Variants in SOX5 observed in about 807,000 individuals in gnomAD.
SOX5 encodes transcription factor SOX-5.
A neutral mutation model predicts 92.0 loss-of-function variants in SOX5; 9 were observed. That is an observed-to-expected ratio of 0.10 (90% CI 0.06 to 0.17). The LOEUF (loss-of-function observed/expected upper bound fraction) is 0.17. Ranked by LOEUF, SOX5 falls within the 10% of genes least tolerant of loss-of-function variation. The pLI, the probability that SOX5 is intolerant of heterozygous loss-of-function variation, is 1.00. For missense variants in SOX5, 642 were observed against 944.5 expected, an observed-to-expected ratio of 0.68 and a Z score of 4.20; for synonymous variants, 344 against 336.3, an observed-to-expected ratio of 1.02 and a Z score of -0.25.
At position 24,487,198 on chromosome 12, in the gene SOX5, C is replaced by G. The variant is rs139920859; in HGVS notation, c.-251+75131G>C. Reference sequence around the variant, plus strand: ...TTTGATCAAAGAAGTTAATATAAAGCTTTTCACTGAACATCCTAGCTCCCT... The same window carrying G: ...TTTGATCAAAGAAGTTAATATAAAGGTTTTCACTGAACATCCTAGCTCCCT... On this transcript the variant is annotated intron_variant, in intron 1 of 4. Coordinates refer to the SOX5 transcript ENST00000446891. 7.2e-5 allele frequency among the ~76,000 whole-genome samples: 11 copies of G among 152,190 alleles called. No individual in the cohort carries two copies. In the East Asian group the frequency reaches 2.1e-3, roughly 29 times the overall value.
chr12:24,497,167 G>A (rs1947725247), intron 1 of SOX5, among the ~76,000 whole-genome samples: 1 of 152,198 alleles, frequency 6.6e-6, no homozygotes, highest in Non-Finnish European at 1.5e-5. Context: ...AATCAATCAT[G>A]AAGGAAAATT....
At chr12:23,750,764 T>C (rs1357719070) in intron 4 of SOX5, among the ~76,000 whole-genome samples, 2 of 151,860 alleles carry the variant, frequency 1.3e-5, no homozygotes, top group African/African-American at 2.4e-5. Flanking sequence ...AAAACACACA[T>C]TATTAAGTAC....
chr12:23,826,007 A>C (rs10842229), intron 3 of SOX5, among the ~76,000 whole-genome samples: 2 of 152,068 alleles, frequency 1.3e-5, no homozygotes, highest in African/African-American at 2.4e-5. Flanking sequence ...ACTTATCTTG[A>C]GTTACACTGT....
chr12:23,548,944 C>T (rs933386205), intron 11 of SOX5, among the ~76,000 whole-genome samples: 2 of 151,906 alleles, frequency 1.3e-5, no homozygotes, highest in Admixed American at 6.6e-5. Context: ...AGCAGAAGTG[C>T]TGACACACTA....
At chr12:24,151,090 C>T (rs7139008) in intron 4 of SOX5, among the ~76,000 whole-genome samples, 105,837 of 151,790 alleles carry the variant, frequency 0.7, 37,147 homozygotes, top group East Asian at 0.99. Context: ...AGAAAAAATA[C>T]TGTGTAACTT....
intron 1 of SOX5, among the ~76,000 whole-genome samples, chr12:24,493,242 A>C (rs1947273179): frequency 6.6e-6 from 1 of 152,216 alleles, no homozygotes; most frequent in South Asian, 2.1e-4. Context: ...CGCTGGTTAA[A>C]AATCAGTGTC....
At position 23,625,756 on chromosome 12, in the gene SOX5, C is replaced by T. The variant is rs974141642; in HGVS notation, c.1017+15056G>A. Among the ~76,000 whole-genome samples, 10 of 152,094 alleles carry T rather than the reference C, an allele frequency of 6.6e-5. No homozygotes were observed. The East Asian group carries it at 1.4e-3, about 21-fold the overall frequency. On this transcript the variant is annotated intron_variant, in intron 8 of 14. Transcript: ENST00000451604. ...TCCTGAGTAGCTGGGATTACAGGCG[C>T]CTGCCACCACGCCGGCTAATTTTTG...
intron 1 of SOX5, among the ~76,000 whole-genome samples, chr12:24,435,428 CCTCA>C (rs1445947871): frequency 6.6e-6 from 1 of 152,156 alleles, no homozygotes; most frequent in Non-Finnish European, 1.5e-5. Flanking sequence ...ATAAAAGATT[CCTCA>C]CTAATACAGT....
chr12:24,317,455 T>C (rs964373614), intron 2 of SOX5, among the ~76,000 whole-genome samples: 2 of 152,240 alleles, frequency 1.3e-5, no homozygotes, highest in Admixed American at 6.5e-5. Flanking sequence ...AACTTGAATA[T>C]TAATCTTAAG....
intron 4 of SOX5, among the ~76,000 whole-genome samples, chr12:24,187,194 T>C (rs1474901783): frequency 6.6e-6 from 1 of 152,288 alleles, no homozygotes; most frequent in East Asian, 1.9e-4. Context: ...AACAGAAAGA[T>C]AACTCCAGAA....
intron 4 of SOX5, among the ~76,000 whole-genome samples, chr12:24,022,334 G>C (rs937005227): frequency 6.6e-6 from 1 of 152,146 alleles, no homozygotes; most frequent in Non-Finnish European, 1.5e-5. Flanking sequence ...AAGTGGATTA[G>C]TCTGAAAGGG....
At chr12:23,690,788 T>C (rs548095750) in intron 6 of SOX5, among the ~76,000 whole-genome samples, 1 of 152,314 alleles carries the variant, frequency 6.6e-6, no homozygotes, top group Admixed American at 6.5e-5. Flanking sequence ...ACACACCAGC[T>C]TGACAGGATC....
intron 1 of SOX5, among the ~76,000 whole-genome samples, chr12:23,930,048 A>C (rs915905395): frequency 3.3e-5 from 5 of 151,834 alleles, no homozygotes; most frequent in African/African-American, 9.7e-5. Context: ...CGCATTCTGG[A>C]GCTCCCTTTC....
At chr12:23,933,380 C>T (rs1941866403) in intron 1 of SOX5, among the ~76,000 whole-genome samples, 1 of 151,614 alleles carries the variant, frequency 6.6e-6, no homozygotes, top group Non-Finnish European at 1.5e-5. Flanking sequence ...TGGAGCATGT[C>T]TCTTGCCTTG....
rs941491948 is a variant in SOX5, at chr12:23,799,213, C to G, written c.482-43489G>C. 2.0e-5 allele frequency among the ~76,000 whole-genome samples: 3 copies of G among 151,976 alleles called. No homozygotes were observed. In the East Asian group the frequency reaches 5.8e-4, roughly 29 times the overall value. On this transcript the variant is annotated intron_variant, in intron 3 of 14. Coordinates refer to ENST00000451604, the MANE Select transcript of SOX5 (RefSeq NM_006940.6). ...CAAAGGTTAAGAATGTATAAGCATT[C>G]TAACTTATTCTTGTTCATGGATTTG...
At chr12:24,014,300 C>T (rs1349257088) in intron 4 of SOX5, among the ~76,000 whole-genome samples, 2 of 152,162 alleles carry the variant, frequency 1.3e-5, no homozygotes, top group Non-Finnish European at 2.9e-5. Context: ...GATAACTACT[C>T]ATTATGCATG....
chr12:23,666,809 G>C (rs1359410321), intron 6 of SOX5, among the ~76,000 whole-genome samples: 2 of 152,120 alleles, frequency 1.3e-5, no homozygotes. Flanking sequence ...AAAAGTAAAA[G>C]AAACAAATAC....
At chr12:23,972,858 T>A (rs559687961) in intron 4 of SOX5, among the ~76,000 whole-genome samples, 106 of 152,184 alleles carry the variant, frequency 7.0e-4, no homozygotes, top group African/African-American at 2.5e-3. Context: ...TTTTATAATA[T>A]ACAACACATT....
At chr12:23,647,127 G>A (rs529890466) in intron 7 of SOX5, among the ~76,000 whole-genome samples, 26 of 152,162 alleles carry the variant, frequency 1.7e-4, no homozygotes, top group Non-Finnish European at 1.0e-4. Context: ...TCCTTGACTC[G>A]TTGGCTGTAG....
Sources: allele counts gnomAD v4.1 joint callset (sites outside exome capture counted in the v4.1 genomes callset), GRCh38; gene constraint gnomAD v4.1.1; transcripts MANE v1.5; gene names NCBI Gene and HGNC (gene_info 2026-07-23, HGNC 2026-07-21).